The following ADGRF5 variants were observed in gnomAD, a reference collection of about 807,000 sequenced individuals.
ADGRF5 encodes the protein adhesion G protein-coupled receptor F5.
Under a neutral mutation model 132.3 loss-of-function variants are expected in ADGRF5, and 75 were observed. The ratio of observed to expected loss-of-function variants is 0.57; its 90% confidence interval spans 0.47 to 0.69. The LOEUF is 0.69. Among genes scored for constraint, ADGRF5 ranks in the 30% least tolerant of loss-of-function variants. The probability of loss-of-function intolerance (pLI) is 0.00; values close to 1 mark genes in which losing one functional copy is unlikely to be tolerated. For synonymous variants in ADGRF5, 629 were observed against 597.6 expected, an observed-to-expected ratio of 1.05 and a Z score of -0.77; for missense variants, 1,516 against 1,630.6, an observed-to-expected ratio of 0.93 and a Z score of 1.21.
chr6:46,907,109 C>CT (rs1246668353), intron 1 of ADGRF5, among the ~76,000 whole-genome samples: 121 of 152,338 alleles, frequency 7.9e-4, no homozygotes, highest in African/African-American at 2.7e-3. Flanking sequence ...ATTTTCGCTA[C>CT]ATGCAATATA....
At chr6:46,854,173 A>G (rs1171814306) in intron 20 of ADGRF5, 102 bp from the exon 21 acceptor site, 1 of 783,228 alleles carries the variant, frequency 1.3e-6, no homozygotes, top group Non-Finnish European at 2.0e-6. Flanking sequence ...TCCAGGTGCC[A>G]GGTAAGCTCG....
At chr6:46,941,077 C>T (rs1244182148) in intron 1 of ADGRF5, among the ~76,000 whole-genome samples, 1 of 152,108 alleles carries the variant, frequency 6.6e-6, no homozygotes, top group African/African-American at 2.4e-5. Context: ...GCTCACATCT[C>T]TAATCCTAGC....
chr6:46,888,330 C>G lies in ADGRF5; in HGVS notation c.328+5G>C. 6.3e-7 allele frequency: 1 copy of G among 1,595,596 alleles called. No homozygotes were observed. On this transcript the variant is annotated splice_donor_5th_base_variant and intron_variant, in intron 4 of 20. Coordinates refer to ENST00000283296, the MANE Select transcript of ADGRF5 (RefSeq NM_001098518.2). Reference sequence around the variant, plus strand: ...TTATTCTGAAGCAATGGGTCTCTTACTCACCTGTTGTCACATTTATGCTCA... The same window carrying G: ...TTATTCTGAAGCAATGGGTCTCTTAGTCACCTGTTGTCACATTTATGCTCA...
chr6:46,919,096 T>C, intron 1 of ADGRF5, among the ~76,000 whole-genome samples: 1 of 152,252 alleles, frequency 6.6e-6, no homozygotes, highest in East Asian at 1.9e-4. Flanking sequence ...TAGAACTTGC[T>C]AATATCTGGA....
intron 17 of ADGRF5, among the ~76,000 whole-genome samples, chr6:46,857,455 C>A (rs940453986): frequency 6.6e-6 from 1 of 152,176 alleles, no homozygotes; most frequent in African/African-American, 2.4e-5. Flanking sequence ...CTTACCACCT[C>A]TCCATTGGGT....
intron 1 of ADGRF5, among the ~76,000 whole-genome samples, chr6:46,954,076 A>G (rs1182665095): frequency 6.6e-6 from 1 of 152,040 alleles, no homozygotes; most frequent in Non-Finnish European, 1.5e-5. Flanking sequence ...CCAGCTAAGG[A>G]GTGAGCACCA....
intron 1 of ADGRF5, among the ~76,000 whole-genome samples, chr6:46,945,965 T>C (rs12529224): frequency 0.33 from 49,537 of 152,038 alleles, 9,946 homozygotes; most frequent in Non-Finnish European, 0.44. Flanking sequence ...TGAGGGAAGC[T>C]GCCCTCATGA....
At chr6:46,890,931 C>G (rs143396365) in intron 3 of ADGRF5, among the ~76,000 whole-genome samples, 4 of 152,230 alleles carry the variant, frequency 2.6e-5, no homozygotes, top group African/African-American at 9.6e-5. Flanking sequence ...TCCTGGGAAA[C>G]TCTAATTGTT....
intron 3 of ADGRF5, 124 bp from the exon 4 acceptor site, chr6:46,888,629 A>T (rs1157216047): frequency 1.5e-6 from 1 of 676,606 alleles, no homozygotes; most frequent in Admixed American, 2.6e-5. Context: ...ATCAACCCTT[A>T]GGAATTTCTA....
intron 1 of ADGRF5, among the ~76,000 whole-genome samples, chr6:46,941,735 A>G (rs1778099432): frequency 6.6e-6 from 1 of 151,860 alleles, no homozygotes; most frequent in Non-Finnish European, 1.5e-5. Flanking sequence ...GAACCTCTGC[A>G]TACATTTAGA....
intron 1 of ADGRF5, among the ~76,000 whole-genome samples, chr6:46,909,688 G>C (rs1451092698): frequency 6.6e-6 from 1 of 152,124 alleles, no homozygotes; most frequent in Non-Finnish European, 1.5e-5. Flanking sequence ...GAAACAACCG[G>C]TGCTGGCTGG....
chr6:46,881,996 A>C (rs1581831926), intron 7 of ADGRF5, 53 bp downstream of exon 7: 6 of 1,257,178 alleles, frequency 4.8e-6, no homozygotes, highest in African/African-American at 1.5e-5. Context: ...CTCCTTCACT[A>C]CCATATGGAT....
At chr6:46,951,751 C>T (rs1778508682) in intron 1 of ADGRF5, among the ~76,000 whole-genome samples, 1 of 152,224 alleles carries the variant, frequency 6.6e-6, no homozygotes, top group East Asian at 1.9e-4. Context: ...AGCAGCTCTG[C>T]ACCCAGCAAT....
intron 1 of ADGRF5, chr6:46,907,777 T>C (rs948688705): frequency 2.0e-5 from 3 of 152,184 alleles, no homozygotes; most frequent in Non-Finnish European, 4.4e-5. Flanking sequence ...AGAAACTAAC[T>C]GTGTCCTGTG....
At position 46,944,434 on chromosome 6, in the gene ADGRF5, G is replaced by A. The variant is rs143281550; in HGVS notation, c.-25+10300C>T. Among the ~76,000 whole-genome samples the A allele has an allele frequency of 5.8e-4, 89 of 152,266 alleles. 1 individual carries two copies. In the East Asian group the frequency reaches 0.013, roughly 22 times the overall value. On this transcript the variant is annotated intron_variant, in intron 1 of 20. Transcript: ENST00000265417. Reference sequence around the variant, plus strand: ...CATGGCCCACAAGGTGGGGACTCTTGTTCTAAGGTGCTGGTTGAAAAATGC... The same window carrying A: ...CATGGCCCACAAGGTGGGGACTCTTATTCTAAGGTGCTGGTTGAAAAATGC...
At chr6:46,864,219 C>T (rs1380305339) in intron 14 of ADGRF5, among the ~76,000 whole-genome samples, 1 of 152,110 alleles carries the variant, frequency 6.6e-6, no homozygotes, top group Non-Finnish European at 1.5e-5. Flanking sequence ...GGGAGCTCCC[C>T]AACATGGGCT....
intron 1 of ADGRF5, among the ~76,000 whole-genome samples, chr6:46,945,162 G>A (rs192614602): frequency 6.6e-6 from 1 of 152,278 alleles, no homozygotes; most frequent in East Asian, 1.9e-4. Context: ...TTCTGCCTGA[G>A]TGATGATTTA....
At chr6:46,883,944 G>T in intron 5 of ADGRF5, 151 bp downstream of exon 5, 1 of 722,730 alleles carries the variant, frequency 1.4e-6, no homozygotes, top group African/African-American at 1.8e-5. Context: ...GTTTCACCAT[G>T]TTGGCCAGGC....
chr6:46,861,484 C>CTT (rs1562146098), intron 15 of ADGRF5, among the ~76,000 whole-genome samples: 3 of 152,136 alleles, frequency 2.0e-5, no homozygotes, highest in Admixed American at 1.3e-4. Context: ...CTGTCTTCTA[C>CTT]GAAAAGCATT....
Sources: allele counts gnomAD v4.1 joint callset (sites outside exome capture counted in the v4.1 genomes callset), GRCh38; gene constraint gnomAD v4.1.1; transcripts MANE v1.5; gene names NCBI Gene and HGNC (gene_info 2026-07-23, HGNC 2026-07-21).